RPS6KA5: variants seen among roughly 807,000 people sequenced by gnomAD.
RPS6KA5 encodes the protein ribosomal protein S6 kinase alpha-5.
RPS6KA5 carries 27 observed loss-of-function variants against 85.5 expected under a neutral mutation model. The ratio of observed to expected loss-of-function variants is 0.32; its 90% confidence interval spans 0.23 to 0.44. The LOEUF is 0.44. RPS6KA5 is among the 20% of genes least tolerant of loss of function. The pLI, the probability that RPS6KA5 is intolerant of heterozygous loss-of-function variation, is 1.00. For missense variants in RPS6KA5, 811 were observed against 980.9 expected (o/e 0.83, Z 2.31); for synonymous variants, 334 against 348.2 (o/e 0.96, Z 0.46).
intron 3 of RPS6KA5, among the ~76,000 whole-genome samples, chr14:90,954,396 A>G (rs947620834): frequency 6.6e-6 from 1 of 151,822 alleles, no homozygotes; most frequent in Non-Finnish European, 1.5e-5. Context: ...CTTTGTGTGT[A>G]GTTTTGTTTG....
chr14:91,054,433 T>C (rs1479875149), intron 1 of RPS6KA5, among the ~76,000 whole-genome samples: 1 of 151,712 alleles, frequency 6.6e-6, no homozygotes, highest in Non-Finnish European at 1.5e-5. Flanking sequence ...GGACAGGAGT[T>C]CAAGATCAGC....
rs1034547620 is a variant in RPS6KA5 at position 90,916,199 on chromosome 14, C to T, written c.806+4007G>A. On this transcript the variant is annotated intron_variant, in intron 7 of 16. Transcript: ENST00000614987. ...ACAACTAAAGTTGTCCATTAATGAA[C>T]ATGGCTTCCTTAAAAACACCTTATA... 2.6e-4 allele frequency among the ~76,000 whole-genome samples: 40 copies of T among 152,120 alleles called. 1 individual carries two copies. The highest frequency in any genetic ancestry group is 2.6e-3 in the Admixed American group (40 of 15,276).
intron 1 of RPS6KA5, among the ~76,000 whole-genome samples, chr14:91,037,002 G>A (rs1376067012): frequency 6.6e-6 from 1 of 152,154 alleles, no homozygotes; most frequent in African/African-American, 2.4e-5. Flanking sequence ...TGAAGATGAC[G>A]TCAAATGGTG....
In RPS6KA5 at chr14:91,020,638, G is replaced by GTGTT. The variant is rs1555378451; in HGVS notation, c.104-19480_104-19479insAACA. ...ATTGTGTGTGTGTGTGTGTGTGTGT[G>GTGTT]TGTGTGTGTGTGTTTATATGTGTAT... On this transcript the variant is annotated intron_variant, in intron 1 of 16. Transcript: ENST00000614987. 6.7e-4 allele frequency among the ~76,000 whole-genome samples: 100 copies of GTGTT among 149,314 alleles called. 4 individuals are homozygous for GTGTT. Among genetic ancestry groups the GTGTT allele is most frequent in the Middle Eastern group, 3.4e-3 (1 of 290 alleles).
At chr14:91,024,165 C>T (rs2041903363) in intron 1 of RPS6KA5, among the ~76,000 whole-genome samples, 1 of 152,144 alleles carries the variant, frequency 6.6e-6, no homozygotes, top group Admixed American at 6.5e-5. Flanking sequence ...CCTTGGAGAA[C>T]TTGTAAATAT....
chr14:90,988,329 C>T (rs1242824516), intron 2 of RPS6KA5, among the ~76,000 whole-genome samples: 3 of 152,214 alleles, frequency 2.0e-5, no homozygotes, highest in African/African-American at 7.2e-5. Context: ...AGAAGCTGAA[C>T]TACATTCCCT....
intron 1 of RPS6KA5, among the ~76,000 whole-genome samples, chr14:91,046,865 G>A (rs2042895103): frequency 6.6e-6 from 1 of 151,896 alleles, no homozygotes; most frequent in Non-Finnish European, 1.5e-5. Flanking sequence ...AACACCATAT[G>A]ACAAAGATTT....
intron 2 of RPS6KA5, among the ~76,000 whole-genome samples, chr14:90,995,321 C>T (rs1345228606): frequency 6.6e-6 from 1 of 152,148 alleles, no homozygotes; most frequent in African/African-American, 2.4e-5. Flanking sequence ...AAGTGGATAA[C>T]AAACTGAAGT....
chr14:90,894,025 C>T, intron 13 of RPS6KA5: 2 of 909,088 alleles, frequency 2.2e-6, no homozygotes, highest in Non-Finnish European at 2.6e-6. Context: ...AATTTGATTA[C>T]AAATGTAAAA....
At chr14:90,884,944 T>A (rs985317721) in intron 14 of RPS6KA5, among the ~76,000 whole-genome samples, 1 of 152,132 alleles carries the variant, frequency 6.6e-6, no homozygotes, top group South Asian at 2.1e-4. Context: ...TTAACAGGTA[T>A]GTTTGTGGCT....
In RPS6KA5 at chr14:90,849,238, CAACAGAAAGG is replaced by C. The variant is rs2140090339; in HGVS notation, c.*22826_*22835del. The C allele has an allele frequency of 2.0e-5, 3 of 152,322 alleles. No individual in the cohort carries two copies. The South Asian group carries it at 6.2e-4, about 32-fold the overall frequency. The allele number at this position is 152,322 out of a possible 1,614,324, so 9.4% of individuals were successfully genotyped here. On this transcript the variant is annotated 3_prime_UTR_variant, in exon 17 of 17. Transcript: ENST00000614987. ...CTTATCAGGCAACTAACAGAGCCGG[CAACAGAAAGG>C]TTACAAGGCCACCTTCGCAACCAGC...
At chr14:90,949,569 A>G (rs2038062245) in intron 3 of RPS6KA5, among the ~76,000 whole-genome samples, 8 of 152,222 alleles carry the variant, frequency 5.3e-5, no homozygotes, top group Admixed American at 5.2e-4. Context: ...TCTCTGAACA[A>G]AACCACTCTG....
At chr14:90,954,922 T>C (rs1244540188) in intron 3 of RPS6KA5, among the ~76,000 whole-genome samples, 1 of 152,244 alleles carries the variant, frequency 6.6e-6, no homozygotes, top group Non-Finnish European at 1.5e-5. Flanking sequence ...TTTCTAATTC[T>C]GTAAGGTCAA....
chr14:91,024,846 T>C (rs866159580), intron 1 of RPS6KA5, among the ~76,000 whole-genome samples: 2 of 152,190 alleles, frequency 1.3e-5, no homozygotes, highest in Admixed American at 6.5e-5. Context: ...GTCTAAAGTT[T>C]TGGGGACTCT....
intron 14 of RPS6KA5, among the ~76,000 whole-genome samples, chr14:90,887,557 G>T (rs916984862): frequency 9.9e-5 from 15 of 151,910 alleles, no homozygotes; most frequent in Non-Finnish European, 1.0e-4. Context: ...TAATTCCTTT[G>T]TATCATTCAA....
intron 1 of RPS6KA5, among the ~76,000 whole-genome samples, chr14:91,032,423 C>T (rs541906517): frequency 3.9e-5 from 6 of 152,194 alleles, no homozygotes; most frequent in African/African-American, 4.8e-5. Flanking sequence ...CAGCTAAACA[C>T]GCACAGTTAC....
intron 1 of RPS6KA5, among the ~76,000 whole-genome samples, chr14:91,052,841 A>G (rs2043151386): frequency 1.3e-5 from 2 of 150,986 alleles, no homozygotes. Context: ...TCCAAAAAAA[A>G]AAAAAAAAAA....
intron 3 of RPS6KA5, among the ~76,000 whole-genome samples, chr14:90,974,583 T>C (rs942672766): frequency 6.6e-6 from 1 of 152,212 alleles, no homozygotes; most frequent in Non-Finnish European, 1.5e-5. Flanking sequence ...CCTCCACTTT[T>C]GCCCTCTTGG....
rs192987711 is a variant in RPS6KA5 at position 90,938,492 on chromosome 14, T to A, written c.618+4586A>T. On this transcript the variant is annotated intron_variant, in intron 5 of 16. Coordinates refer to ENST00000614987, the MANE Select transcript of RPS6KA5 (RefSeq NM_004755.4). Reference sequence around the variant, plus strand: ...CTGTGTAGGGGATCCGACGTCACATTTCCCTTCTGCACTGCCCTAGCAGAG... The same window carrying A: ...CTGTGTAGGGGATCCGACGTCACATATCCCTTCTGCACTGCCCTAGCAGAG... 1.4e-4 allele frequency among the ~76,000 whole-genome samples: 22 copies of A among 152,334 alleles called. No homozygotes were observed. The East Asian group carries it at 3.7e-3, about 25-fold the overall frequency.
Sources: gnomAD v4.1 joint callset for allele counts (sites outside exome capture counted in the v4.1 genomes callset) on GRCh38, gnomAD v4.1.1 for gene constraint, MANE v1.5 for transcripts, NCBI Gene and HGNC (gene_info 2026-07-23, HGNC 2026-07-21) for gene names.